Variants in L3MBTL4 observed in about 807,000 individuals in gnomAD.
L3MBTL4 encodes L3MBTL histone methyl-lysine binding protein 4.
Under a neutral mutation model 84.5 loss-of-function variants are expected in L3MBTL4, and 70 were observed. That is an observed-to-expected ratio of 0.83 (90% CI 0.68 to 1.01). The LOEUF is 1.01. Ranked by LOEUF, L3MBTL4 falls within the 50% of genes least tolerant of loss-of-function variation. The pLI, the probability that L3MBTL4 is intolerant of heterozygous loss-of-function variation, is 0.00. For synonymous variants in L3MBTL4, 274 were observed against 259.8 expected (o/e 1.05, Z -0.52); for missense variants, 715 against 754.8 (o/e 0.95, Z 0.62).
At chr18:6,304,486 C>T (rs2050494520) in intron 3 of L3MBTL4, among the ~76,000 whole-genome samples, 1 of 152,234 alleles carries the variant, frequency 6.6e-6, no homozygotes, top group South Asian at 2.1e-4. Flanking sequence ...TACTAAAATG[C>T]AGACCTTGAT....
intron 17 of L3MBTL4, among the ~76,000 whole-genome samples, chr18:5,967,134 A>C (rs55673901): frequency 0.35 from 52,677 of 152,090 alleles, 9,598 homozygotes; most frequent in East Asian, 0.52. Context: ...TGTCCAGCAG[A>C]CTGTGGGCTG....
At chr18:6,235,883 A>G (rs1007858694) in intron 10 of L3MBTL4, among the ~76,000 whole-genome samples, 11 of 152,256 alleles carry the variant, frequency 7.2e-5, no homozygotes, top group Admixed American at 1.3e-4. Flanking sequence ...CAAATTTAAT[A>G]AAGTAAGTAC....
intron 1 of L3MBTL4, among the ~76,000 whole-genome samples, chr18:6,374,076 G>A (rs1490789967): frequency 6.6e-6 from 1 of 152,116 alleles, no homozygotes; most frequent in Non-Finnish European, 1.5e-5. Context: ...GCCCTCCCTG[G>A]TTGCCCACAT....
At chr18:6,025,217 A>C (rs549842549) in intron 16 of L3MBTL4, 7 of 152,358 alleles carry the variant, frequency 4.6e-5, no homozygotes, top group Admixed American at 3.9e-4. Flanking sequence ...CATCCATTGG[A>C]TAGCTGCAGC....
chr18:5,976,992 A>G (rs2052967218), intron 16 of L3MBTL4, among the ~76,000 whole-genome samples: 1 of 152,056 alleles, frequency 6.6e-6, no homozygotes, highest in Non-Finnish European at 1.5e-5. Flanking sequence ...TGGACTCCGG[A>G]GGGCATCTTT....
At chr18:6,237,051 C>A (rs1392000429) in intron 10 of L3MBTL4, among the ~76,000 whole-genome samples, 1 of 152,046 alleles carries the variant, frequency 6.6e-6, no homozygotes, top group East Asian at 1.9e-4. Flanking sequence ...ATTATACAGC[C>A]TGTATTTCTA....
At chr18:6,037,078 A>G (rs539944940) in intron 16 of L3MBTL4, among the ~76,000 whole-genome samples, 12 of 152,330 alleles carry the variant, frequency 7.9e-5, no homozygotes, top group South Asian at 2.1e-4. Context: ...TGTGACAACA[A>G]TGCTCACCAC....
chr18:6,391,698 C>A (rs341216), intron 1 of L3MBTL4, among the ~76,000 whole-genome samples: 76,823 of 151,114 alleles, frequency 0.51, 19,525 homozygotes, highest in East Asian at 0.59. Context: ...ATGACCAAGC[C>A]GAGACTCAAA....
chr18:6,405,413 A>G (rs2055686979), intron 1 of L3MBTL4, among the ~76,000 whole-genome samples: 1 of 152,238 alleles, frequency 6.6e-6, no homozygotes, highest in Non-Finnish European at 1.5e-5. Flanking sequence ...GACCTGCACA[A>G]ACAGCTCCTG....
chr18:6,277,576 G>A (rs417757), intron 4 of L3MBTL4, among the ~76,000 whole-genome samples: 32,231 of 152,074 alleles, frequency 0.21, 3,837 homozygotes, highest in African/African-American at 0.32. Flanking sequence ...TTGAGATTCT[G>A]TTTTACAAGT....
At chr18:6,019,355 T>A (rs2055144082) in intron 16 of L3MBTL4, among the ~76,000 whole-genome samples, 1 of 152,230 alleles carries the variant, frequency 6.6e-6, no homozygotes, top group Non-Finnish European at 1.5e-5. Flanking sequence ...CCCTTGGTTC[T>A]CAATAGTTCA....
intron 16 of L3MBTL4, among the ~76,000 whole-genome samples, chr18:6,036,859 C>T (rs189867859): frequency 6.6e-6 from 1 of 152,254 alleles, no homozygotes; most frequent in East Asian, 1.9e-4. Flanking sequence ...TTAGGTCTTT[C>T]CTGGGCCTGT....
intron 14 of L3MBTL4, among the ~76,000 whole-genome samples, chr18:6,098,108 A>G (rs1019528103): frequency 6.6e-6 from 1 of 152,138 alleles, no homozygotes. Flanking sequence ...CTCCTCTTGC[A>G]TCAACAATGT....
At chr18:6,248,875 G>A (rs1421445517) in intron 5 of L3MBTL4, among the ~76,000 whole-genome samples, 1 of 152,094 alleles carries the variant, frequency 6.6e-6, no homozygotes, top group Non-Finnish European at 1.5e-5. Flanking sequence ...TATAAGCATG[G>A]AATAATTGTA....
At chr18:6,055,769 A>G (rs1320740662) in intron 16 of L3MBTL4, among the ~76,000 whole-genome samples, 1 of 152,176 alleles carries the variant, frequency 6.6e-6, no homozygotes, top group Non-Finnish European at 1.5e-5. Context: ...CCAGTGCCAG[A>G]GAAACAGTGA....
chr18:6,065,629 G>T (rs2057375050), intron 16 of L3MBTL4, among the ~76,000 whole-genome samples: 1 of 151,840 alleles, frequency 6.6e-6, no homozygotes, highest in Non-Finnish European at 1.5e-5. Flanking sequence ...TTTCTAGTTT[G>T]TGTGCATAAA....
chr18:6,132,837 T>C (rs2059913292), intron 14 of L3MBTL4, among the ~76,000 whole-genome samples: 1 of 152,012 alleles, frequency 6.6e-6, no homozygotes. Flanking sequence ...CAGAATCTAG[T>C]AGGGAGAGGT....
At chr18:6,099,585 A>AATATATATATATATATAT (rs36091567) in intron 14 of L3MBTL4, among the ~76,000 whole-genome samples, 910 of 64,650 alleles carry the variant, frequency 0.014, 114 homozygotes, top group East Asian at 0.024. Context: ...AGATAATGTA[A>AATATATATATATATATAT]ATATATATAT....
chr18:6,103,187 C>T (rs1225049459), intron 14 of L3MBTL4, among the ~76,000 whole-genome samples: 1 of 152,172 alleles, frequency 6.6e-6, no homozygotes, highest in Non-Finnish European at 1.5e-5. Context: ...ACTCTAACTA[C>T]ACAGTTAACA....
Sources: allele counts gnomAD v4.1 joint callset (sites outside exome capture counted in the v4.1 genomes callset), GRCh38; gene constraint gnomAD v4.1.1; transcripts MANE v1.5; gene names NCBI Gene and HGNC (gene_info 2026-07-23, HGNC 2026-07-21).